EPHA6: variants seen among roughly 807,000 people sequenced by gnomAD.
EPHA6 encodes EPH receptor A6, also known as ephrin type-A receptor 6.
In EPHA6, 50 loss-of-function variants were observed where a neutral mutation model predicts 112.0. That is an observed-to-expected ratio of 0.45 (90% CI 0.36 to 0.56). EPHA6 has a LOEUF of 0.56. Among genes scored for constraint, EPHA6 ranks in the 20% least tolerant of loss-of-function variants. EPHA6 has a pLI of 0.00. For missense variants in EPHA6, 1,280 were observed against 1,417.4 expected (o/e 0.90, Z 1.56); for synonymous variants, 529 against 490.7 (o/e 1.08, Z -1.03).
intron 5 of EPHA6, among the ~76,000 whole-genome samples, chr3:97,276,578 A>T (rs926327111): frequency 6.6e-6 from 1 of 151,812 alleles, no homozygotes; most frequent in Non-Finnish European, 1.5e-5. Context: ...CTTTTTTTCT[A>T]TTATTGTACA....
intron 14 of EPHA6, among the ~76,000 whole-genome samples, chr3:97,663,976 C>T (rs1482477401): frequency 6.6e-6 from 1 of 152,178 alleles, no homozygotes; most frequent in Non-Finnish European, 1.5e-5. Flanking sequence ...TCCTATTTCT[C>T]CACATCCTCT....
chr3:96,977,899 C>G (rs2042596389), intron 2 of EPHA6, among the ~76,000 whole-genome samples: 1 of 152,162 alleles, frequency 6.6e-6, no homozygotes, highest in Non-Finnish European at 1.5e-5. Context: ...TGCCTCATGC[C>G]TGTAATCCCA....
At chr3:97,338,448 T>G (rs1001421588) in intron 5 of EPHA6, among the ~76,000 whole-genome samples, 6 of 152,108 alleles carry the variant, frequency 3.9e-5, no homozygotes, top group African/African-American at 1.4e-4. Flanking sequence ...TTTTGTTTAT[T>G]TTGTATTGTC....
chr3:97,702,756 TTTTA>T (rs1166981871), intron 14 of EPHA6, among the ~76,000 whole-genome samples: 1 of 152,210 alleles, frequency 6.6e-6, no homozygotes, highest in Admixed American at 6.5e-5. Context: ...ATTGAATCAC[TTTTA>T]TTTATTTATT....
chr3:96,992,766 G>A lies in EPHA6; in HGVS notation c.1114+4773G>A, dbSNP rs547769735. Among the ~76,000 whole-genome samples the A allele has an allele frequency of 3.3e-5, 5 of 152,136 alleles. No homozygotes were observed. The South Asian group carries it at 1.0e-3, about 32-fold the overall frequency. ...ATTTTTGAACAATCCATGCGTTTTT[G>A]TATCTCTTACCTTTTTTCATATTTT... On this transcript the variant is annotated intron_variant, in intron 3 of 17. Coordinates refer to ENST00000389672, the MANE Select transcript of EPHA6 (RefSeq NM_001080448.3).
chr3:97,227,755 A>T (rs1170725918), intron 4 of EPHA6, among the ~76,000 whole-genome samples: 1 of 108,432 alleles, frequency 9.2e-6, no homozygotes, highest in Non-Finnish European at 1.5e-5. Context: ...ACCCATGTAC[A>T]AAAAAATGGC....
intron 3 of EPHA6, among the ~76,000 whole-genome samples, chr3:97,031,632 C>T (rs1433571829): frequency 6.6e-6 from 1 of 152,086 alleles, no homozygotes; most frequent in African/African-American, 2.4e-5. Flanking sequence ...AAAAAGTGGG[C>T]AAAGGACATG....
At chr3:97,263,091 A>T (rs575677484) in intron 5 of EPHA6, among the ~76,000 whole-genome samples, 1 of 152,260 alleles carries the variant, frequency 6.6e-6, no homozygotes, top group African/African-American at 2.4e-5. Flanking sequence ...TTATTAAAAT[A>T]CTCTGTATAA....
At chr3:97,694,999 G>T (rs189433018) in intron 14 of EPHA6, among the ~76,000 whole-genome samples, 1 of 152,110 alleles carries the variant, frequency 6.6e-6, no homozygotes, top group African/African-American at 2.4e-5. Context: ...TTTTTCCTGA[G>T]GAAGTCTTGC....
At chr3:97,015,706 C>T (rs1360715077) in intron 3 of EPHA6, among the ~76,000 whole-genome samples, 1 of 152,112 alleles carries the variant, frequency 6.6e-6, no homozygotes, top group Non-Finnish European at 1.5e-5. Context: ...GTGAACACTG[C>T]TGGTGAGAAC....
At chr3:97,157,293 T>C (rs190004573) in intron 3 of EPHA6, among the ~76,000 whole-genome samples, 1 of 152,306 alleles carries the variant, frequency 6.6e-6, no homozygotes, top group East Asian at 1.9e-4. Flanking sequence ...TGGGAAATAG[T>C]ACATTCTATT....
At chr3:97,207,455 T>C (rs534813650) in intron 3 of EPHA6, among the ~76,000 whole-genome samples, 105 of 152,254 alleles carry the variant, frequency 6.9e-4, no homozygotes, top group Non-Finnish European at 1.3e-3. Context: ...ACATGTGATA[T>C]GCAACAGGAA....
chr3:96,840,739 T>A (rs750286137), intron 1 of EPHA6, among the ~76,000 whole-genome samples: 4 of 151,950 alleles, frequency 2.6e-5, no homozygotes, highest in Admixed American at 6.6e-5. Context: ...TGTCTTGAGG[T>A]GGGACAGAAA....
At chr3:97,101,782 A>G (rs1336935340) in intron 3 of EPHA6, among the ~76,000 whole-genome samples, 3 of 152,116 alleles carry the variant, frequency 2.0e-5, no homozygotes, top group Admixed American at 2.0e-4. Context: ...CCTGAGTTTA[A>G]TGCAAAAGAT....
chr3:96,881,739 T>C (rs181156144), intron 2 of EPHA6, among the ~76,000 whole-genome samples: 2 of 152,304 alleles, frequency 1.3e-5, no homozygotes, highest in Admixed American at 6.5e-5. Context: ...AATTTCTGCC[T>C]ATGTGCCTGT....
At chr3:97,423,260 A>G (rs111642588) in intron 6 of EPHA6, among the ~76,000 whole-genome samples, 1,832 of 152,274 alleles carry the variant, frequency 0.012, 15 homozygotes, top group African/African-American at 0.035. Flanking sequence ...AAACCCCATA[A>G]TCTTTGCCCA....
intron 7 of EPHA6, among the ~76,000 whole-genome samples, chr3:97,455,174 A>G (rs2090641771): frequency 6.6e-6 from 1 of 152,016 alleles, no homozygotes; most frequent in African/African-American, 2.4e-5. Flanking sequence ...GGTAAAAGAA[A>G]TCCCTGCTTT....
chr3:96,989,044 C>T lies in EPHA6; in HGVS notation c.1114+1051C>T, dbSNP rs181024028. Reference sequence around the variant, plus strand: ...TATTTCATGGTAAATAGTAATATACCGGAGATATTTCCCTCTCAATGATAA... The same window carrying T: ...TATTTCATGGTAAATAGTAATATACTGGAGATATTTCCCTCTCAATGATAA... On this transcript the variant is annotated intron_variant, in intron 3 of 17. Transcript: ENST00000389672. 7.2e-5 allele frequency among the ~76,000 whole-genome samples: 11 copies of T among 151,782 alleles called. No homozygotes were observed. The East Asian group carries it at 1.4e-3, about 19-fold the overall frequency.
At chr3:97,234,026 G>T (rs1163646397) in intron 4 of EPHA6, among the ~76,000 whole-genome samples, 1 of 152,080 alleles carries the variant, frequency 6.6e-6, no homozygotes, top group Non-Finnish European at 1.5e-5. Flanking sequence ...AACACAGCAT[G>T]AGATTTTACC....
Sources: allele counts gnomAD v4.1 joint callset (sites outside exome capture counted in the v4.1 genomes callset), GRCh38; gene constraint gnomAD v4.1.1; transcripts MANE v1.5; gene names NCBI Gene and HGNC (gene_info 2026-07-23, HGNC 2026-07-21).